Variants in CFH observed in about 807,000 individuals in gnomAD.
CFH encodes the protein H factor 1 (complement).
Under a neutral mutation model 147.3 loss-of-function variants are expected in CFH, and 53 were observed. That is an observed-to-expected ratio of 0.36 (90% CI 0.29 to 0.45). The LOEUF is 0.45. Among genes scored for constraint, CFH ranks in the 20% least tolerant of loss-of-function variants. The pLI is 1.00. For missense variants in CFH, 1,380 were observed against 1,498.0 expected (o/e 0.92, Z 1.30); for synonymous variants, 536 against 489.4 (o/e 1.10, Z -1.26).
intron 18 of CFH, 73 bp downstream of exon 18, chr1:196,740,865 A>G: frequency 7.1e-7 from 1 of 1,418,192 alleles, no homozygotes. Context: ...ACCAATAAGA[A>G]AGTAAACAGG....
intron 9 of CFH, chr1:196,701,450 T>A: frequency 6.9e-7 from 1 of 1,451,610 alleles, no homozygotes; most frequent in South Asian, 1.2e-5. Flanking sequence ...GTGACTAGTA[T>A]CTGTTTTGTT....
In CFH at chr1:196,737,660, G is replaced by T; in HGVS notation, c.2782G>T (p.Gly928Cys). The T allele has an allele frequency of 6.2e-7, 1 of 1,612,556 alleles. No homozygotes were observed. ...ATGGAGTTCTCCACCTCAGTGTGAAGGTTAGGCCAATATGAATACTCAATT... is the reference window on the plus strand; with the variant it reads ...ATGGAGTTCTCCACCTCAGTGTGAATGTTAGGCCAATATGAATACTCAATT... ...GKWSSPPQCEGLPCKSPPEIS... is the reference protein window; with the variant it reads ...GKWSSPPQCECLPCKSPPEIS... The change falls in exon 17 of 22, where the codon GGC becomes TGC. Residue 928 changes from glycine (G) to cysteine (C), a missense_variant and splice_region_variant. Gly to Cys is a radical substitution (Grantham distance 159). Coordinates refer to ENST00000367429, the MANE Select transcript of CFH (RefSeq NM_000186.4).
In CFH at chr1:196,715,599, G is replaced by C; in HGVS notation, c.1526G>C (p.Cys509Ser). Residue 509 changes from cysteine to serine, a missense_variant, in exon 11 of 22, where the codon TGT becomes TCT. Physicochemically the swap from Cys to Ser is moderately radical, Grantham distance 112 (BLOSUM62 -1). Transcript: ENST00000367429. ...WSAQPTCIKS[C>S]DIPVFMNART... Reference sequence around the variant, plus strand: ...TAAATTTTTTATGCACTAGAATCTTGTGATATCCCAGTATTTATGAATGCC... The same window carrying C: ...TAAATTTTTTATGCACTAGAATCTTCTGATATCCCAGTATTTATGAATGCC... 2 of 1,610,276 alleles carry C rather than the reference G, an allele frequency of 1.2e-6. No individual in the cohort carries two copies. The highest frequency in any genetic ancestry group is 1.7e-6 in the Non-Finnish European group (2 of 1,177,090).
chr1:196,679,484 G>T, intron 5 of CFH, 139 bp from the exon 6 acceptor site: 1 of 575,554 alleles, frequency 1.7e-6, no homozygotes, highest in South Asian at 2.3e-5. Context: ...TTTATTAAGC[G>T]GTCAAGTCAA....
In CFH at chr1:196,692,713, T is replaced by G. The variant is rs1668081853; in HGVS notation, c.1336+2474T>G. Reference sequence around the variant, plus strand: ...TTCTCTTTCCCTTCCTTTCTTTTTCTTTCTTTCTTTCTTTCTCTTTCCCTT... The same window carrying G: ...TTCTCTTTCCCTTCCTTTCTTTTTCGTTCTTTCTTTCTTTCTCTTTCCCTT... On this transcript the variant is annotated intron_variant, in intron 9 of 21. Coordinates refer to ENST00000367429, the MANE Select transcript of CFH (RefSeq NM_000186.4). 4.8e-4 allele frequency among the ~76,000 whole-genome samples: 8 copies of G among 16,770 alleles called. 1 individual carries two copies. In the Admixed American group the frequency reaches 6.4e-3, roughly 13 times the overall value. 11.0% of individuals were successfully genotyped at this position (16,770 alleles called of 152,430 possible). A position where few individuals can be genotyped will look rare whatever the true frequency, so the allele number is the denominator to read the frequency against.
At chr1:196,653,398 C>G (rs1439919207) in intron 1 of CFH, among the ~76,000 whole-genome samples, 1 of 151,654 alleles carries the variant, frequency 6.6e-6, no homozygotes, top group East Asian at 1.9e-4. Context: ...AGTTCCAGAA[C>G]AATGTCAATA....
At chr1:196,735,563 G>T (rs921075410) in intron 15 of CFH, among the ~76,000 whole-genome samples, 2 of 151,832 alleles carry the variant, frequency 1.3e-5, no homozygotes, top group African/African-American at 4.8e-5. Context: ...GGATACAGCT[G>T]AAACAGAGAT....
Position 196,652,180 on chromosome 1 carries a change from G to GATTA in CFH, c.58+7_58+10dup, listed in dbSNP as rs1198706951. ...GGGCTATTTGTGTAGCAGAAGGTAA[G>GATTA]ATTAAAAGAGACTCTTTTCTGAAAA... is the stretch of plus-strand genomic sequence containing the variant. On this transcript the variant is annotated splice_donor_region_variant and intron_variant, in intron 1 of 21. Coordinates refer to ENST00000367429, the MANE Select transcript of CFH (RefSeq NM_000186.4). The GATTA allele has an allele frequency of 1.3e-6, 2 of 1,594,388 alleles. No homozygotes were observed. Among genetic ancestry groups the GATTA allele is most frequent in the Non-Finnish European group, 1.7e-6 (2 of 1,162,274 alleles).
chr1:196,717,318 G>T (rs968787865), intron 11 of CFH, among the ~76,000 whole-genome samples: 1 of 151,912 alleles, frequency 6.6e-6, no homozygotes, highest in African/African-American at 2.4e-5. Flanking sequence ...ATATTTCAAA[G>T]GATTGTGTTA....
At chr1:196,670,695 A>G (rs1667246998) in intron 1 of CFH, among the ~76,000 whole-genome samples, 1 of 152,132 alleles carries the variant, frequency 6.6e-6, no homozygotes, top group African/African-American at 2.4e-5. Context: ...GTATTTCTTC[A>G]TAGCTGTGCA....
At chr1:196,668,826 T>C (rs1667183170) in intron 1 of CFH, among the ~76,000 whole-genome samples, 3 of 152,142 alleles carry the variant, frequency 2.0e-5, no homozygotes, top group Non-Finnish European at 4.4e-5. Flanking sequence ...TTTATAGCAG[T>C]GCAAAATGGA....
chr1:196,662,999 G>A (rs6690982), intron 1 of CFH, among the ~76,000 whole-genome samples: 33,646 of 151,884 alleles, frequency 0.22, 4,005 homozygotes, highest in East Asian at 0.34. Flanking sequence ...ACCTGGTGGC[G>A]TCTGCTATTG....
intron 6 of CFH, among the ~76,000 whole-genome samples, chr1:196,684,689 GAAGA>G (rs1452604168): frequency 6.6e-6 from 1 of 151,924 alleles, no homozygotes; most frequent in African/African-American, 2.4e-5. Flanking sequence ...CAATTGTCCA[GAAGA>G]AAGAAACACT....
chr1:196,666,851 T>G (rs1268539955), intron 1 of CFH, among the ~76,000 whole-genome samples: 1 of 151,242 alleles, frequency 6.6e-6, no homozygotes, highest in East Asian at 1.9e-4. Context: ...AAAAATTTTG[T>G]GAATTTTCCA....
intron 9 of CFH, chr1:196,701,468 T>C (rs1668447646): frequency 1.5e-6 from 2 of 1,317,408 alleles, no homozygotes; most frequent in Non-Finnish European, 2.1e-6. Flanking sequence ...GTTATGTGTG[T>C]ATTATTCCAG....
At position 196,728,531 on chromosome 1, in the gene CFH, T is replaced by C. The variant is rs1292073245; in HGVS notation, c.2413+9T>C. 5.0e-6 allele frequency: 8 copies of C among 1,610,258 alleles called. No individual in the cohort carries two copies. The East Asian group carries it at 1.6e-4, about 32-fold the overall frequency. On this transcript the variant is annotated intron_variant, in intron 15 of 21. Coordinates refer to ENST00000367429, the MANE Select transcript of CFH (RefSeq NM_000186.4). ...AGAAGTGAACTGCTCAAGTAAGCTCTTATTTTGTTTTCAGAAATGTATTCT... is the reference window on the plus strand; with the variant it reads ...AGAAGTGAACTGCTCAAGTAAGCTCCTATTTTGTTTTCAGAAATGTATTCT...
intron 2 of CFH, chr1:196,673,501 T>C (rs1667354443): frequency 8.1e-6 from 3 of 371,146 alleles, no homozygotes; most frequent in Non-Finnish European, 1.0e-5. Context: ...CACGCCCGGC[T>C]AATTTTTGTA....
intron 9 of CFH, among the ~76,000 whole-genome samples, chr1:196,709,418 C>T (rs539162105): frequency 6.6e-6 from 1 of 152,202 alleles, no homozygotes; most frequent in South Asian, 2.1e-4. Flanking sequence ...TTCCTCTAAT[C>T]CTGACTCTCT....
intron 6 of CFH, 123 bp from the exon 7 acceptor site, chr1:196,684,941 T>A: frequency 1.3e-6 from 1 of 754,880 alleles, no homozygotes; most frequent in South Asian, 1.7e-5. Flanking sequence ...TATGTTCATT[T>A]TAATGCCATT....
Sources: gnomAD v4.1 joint callset for allele counts (sites outside exome capture counted in the v4.1 genomes callset) on GRCh38, gnomAD v4.1.1 for gene constraint, MANE v1.5 for transcripts, NCBI Gene and HGNC (gene_info 2026-07-23, HGNC 2026-07-21) for gene names.